The following CYFIP2 variants were observed in gnomAD, a reference collection of about 807,000 sequenced individuals.
CYFIP2 encodes cytoplasmic FMR1 interacting protein 2, also known as cytoplasmic FMR1-interacting protein 2.
CYFIP2 carries 29 observed loss-of-function variants against 158.7 expected under a neutral mutation model. The ratio of observed to expected loss-of-function variants is 0.18; its 90% confidence interval spans 0.14 to 0.25. The LOEUF is 0.25. Ranked by LOEUF, CYFIP2 falls within the 10% of genes least tolerant of loss-of-function variation. CYFIP2 has a pLI of 1.00. For synonymous variants in CYFIP2, 585 were observed against 617.6 expected (o/e 0.95, Z 0.78); for missense variants, 852 against 1,639.5 (o/e 0.52, Z 8.29).
At chr5:157,286,309 C>T (rs1757371880) in intron 2 of CYFIP2, among the ~76,000 whole-genome samples, 2 of 150,110 alleles carry the variant, frequency 1.3e-5, no homozygotes, top group Admixed American at 6.6e-5. Flanking sequence ...TATAACTATG[C>T]GGATATATAC....
chr5:157,312,621 T>C (rs1259645582), intron 11 of CYFIP2, among the ~76,000 whole-genome samples: 1 of 152,194 alleles, frequency 6.6e-6, no homozygotes, highest in Non-Finnish European at 1.5e-5. Context: ...CTAACAGCCA[T>C]GGTGACTGTA....
At position 157,309,635 on chromosome 5, in the gene CYFIP2, G is replaced by A. The variant is rs923991801; in HGVS notation, c.901-108G>A. 4.2e-5 allele frequency: 40 copies of A among 952,360 alleles called. No homozygotes were observed. The East Asian group carries it at 8.2e-4, about 19-fold the overall frequency. The allele number at this position is 952,360 out of a possible 1,614,324, so 59.0% of individuals were successfully genotyped here. On this transcript the variant is annotated intron_variant, in intron 9 of 30. Transcript: ENST00000620254. ...TCATCGGAAGCAGAAACTAGGGGTC[G>A]GCCCCCAGGCACACACAGAGGCCTG...
chr5:157,375,251 C>G (rs145124824), intron 26 of CYFIP2, among the ~76,000 whole-genome samples: 1 of 152,196 alleles, frequency 6.6e-6, no homozygotes, highest in Non-Finnish European at 1.5e-5. Flanking sequence ...GGCCATAGCT[C>G]TGGTTTATCA....
At chr5:157,384,446 G>A (rs1463673870) in intron 28 of CYFIP2, 10 of 456,820 alleles carry the variant, frequency 2.2e-5, no homozygotes, top group South Asian at 1.5e-4. Flanking sequence ...CATTCCGGCG[G>A]TCCTCTTTGG....
chr5:157,272,305 A>AG (rs1756170962), intron 1 of CYFIP2, among the ~76,000 whole-genome samples: 1 of 152,222 alleles, frequency 6.6e-6, no homozygotes, highest in African/African-American at 2.4e-5. Context: ...GGACAGGAGC[A>AG]GGGGACTGAA....
chr5:157,312,100 GGTTA>G (rs1209877799), intron 11 of CYFIP2, among the ~76,000 whole-genome samples: 7 of 152,172 alleles, frequency 4.6e-5, no homozygotes, highest in Non-Finnish European at 7.4e-5. Flanking sequence ...GCCTGGTGAT[GGTTA>G]GTTCTGCCTG....
chr5:157,383,754 A>T (rs1229539066), intron 28 of CYFIP2, among the ~76,000 whole-genome samples: 1 of 152,246 alleles, frequency 6.6e-6, no homozygotes, highest in East Asian at 1.9e-4. Flanking sequence ...ATGCTTATGT[A>T]ACATTGTTTG....
chr5:157,342,740 G>T, intron 23 of CYFIP2: 1 of 987,552 alleles, frequency 1.0e-6, no homozygotes, highest in Non-Finnish European at 1.4e-6. Context: ...CAACCCAGGT[G>T]ACCTACAATA....
intron 30 of CYFIP2, among the ~76,000 whole-genome samples, chr5:157,391,289 C>T (rs1288612786): frequency 2.6e-5 from 4 of 152,130 alleles, no homozygotes; most frequent in African/African-American, 9.7e-5. Flanking sequence ...TCACAAAGGG[C>T]TTTTTTAAAA....
chr5:157,358,940 G>T, intron 23 of CYFIP2, 65 bp from the exon 24 acceptor site: 2 of 1,599,808 alleles, frequency 1.3e-6, no homozygotes, highest in Non-Finnish European at 1.7e-6. Context: ...CAGAACATCT[G>T]CCAGGACTCC....
chr5:157,300,926 C>T (rs1758692480), intron 6 of CYFIP2, 30 bp downstream of exon 6: 1 of 1,501,448 alleles, frequency 6.7e-7, no homozygotes. Context: ...CTCCCCTTTC[C>T]CCATCCAGGC....
rs115545978 is a variant in CYFIP2, at chr5:157,299,366, C to T, written c.388-1349C>T. Among the ~76,000 whole-genome samples, 656 of 152,262 alleles carry T rather than the reference C, an allele frequency of 4.3e-3. 2 individuals are homozygous for T. Among genetic ancestry groups the T allele is most frequent in the African/African-American group, 0.015 (617 of 41,548 alleles). On this transcript the variant is annotated intron_variant, in intron 5 of 30. Coordinates refer to ENST00000620254, the MANE Select transcript of CYFIP2 (RefSeq NM_001037333.3). ...CAGCCACCCTGGCTTCCTTCTCATC[C>T]CTGGAACACACCTCAGGGCCTTCAC...
intron 4 of CYFIP2, chr5:157,296,443 A>G (rs1460416133): frequency 3.9e-6 from 2 of 507,316 alleles, no homozygotes; most frequent in Non-Finnish European, 7.6e-6. Flanking sequence ...CAACTACAAA[A>G]ATTAGCTGGA....
At chr5:157,296,873 T>A in intron 5 of CYFIP2, 99 bp downstream of exon 5, 1 of 933,512 alleles carries the variant, frequency 1.1e-6, no homozygotes, top group Non-Finnish European at 1.6e-6. Flanking sequence ...ATTTATTCAC[T>A]AAGCAAATAT....
rs1765642732 is a variant in CYFIP2 at position 157,377,875 on chromosome 5, TGTGGG to T, written c.3040-4714_3040-4710del. On this transcript the variant is annotated intron_variant, in intron 26 of 30. Coordinates refer to ENST00000620254, the MANE Select transcript of CYFIP2 (RefSeq NM_001037333.3). ...ATTCTCAATCAATGTTTACATGAGA[TGTGGG>T]TCACTGCCCTGGTCCTCCATCAGCA... 7.2e-5 allele frequency among the ~76,000 whole-genome samples: 11 copies of T among 152,364 alleles called. 1 individual carries two copies. Among genetic ancestry groups the T allele is most frequent in the Admixed American group, 6.5e-4 (10 of 15,308 alleles).
Position 157,376,705 on chromosome 5 carries a change from G to A in CYFIP2, c.3040-5885G>A, listed in dbSNP as rs538804909. On this transcript the variant is annotated intron_variant, in intron 26 of 30. Transcript: ENST00000620254. ...TGGGTCTCATATAGTCAGAGGAACT[G>A]AAGTCTCCGGAAGGGTCTTGGTCAC... 344 of 256,138 alleles carry A rather than the reference G, an allele frequency of 1.3e-3. 5 individuals carry two copies. The highest frequency in any genetic ancestry group is 8.4e-3 in the South Asian group (228 of 27,110). The allele number at this position is 256,138 out of a possible 1,614,324, so 15.9% of individuals were successfully genotyped here.
intron 3 of CYFIP2, among the ~76,000 whole-genome samples, chr5:157,291,979 A>T (rs994341742): frequency 6.6e-6 from 1 of 152,098 alleles, no homozygotes; most frequent in Non-Finnish European, 1.5e-5. Context: ...TCACAATGTT[A>T]TACAGCCATG....
chr5:157,308,364 A>G (rs928745609), intron 9 of CYFIP2, among the ~76,000 whole-genome samples: 2 of 152,138 alleles, frequency 1.3e-5, no homozygotes, highest in African/African-American at 4.8e-5. Context: ...TTACCTCTGG[A>G]TAGAATGCCT....
chr5:157,334,783 C>A (rs572733054), intron 21 of CYFIP2, among the ~76,000 whole-genome samples: 1 of 151,920 alleles, frequency 6.6e-6, no homozygotes, highest in African/African-American at 2.4e-5. Context: ...AATAAGGGAA[C>A]CTGACAACTA....
Sources: gnomAD v4.1 joint callset for allele counts (sites outside exome capture counted in the v4.1 genomes callset) on GRCh38, gnomAD v4.1.1 for gene constraint, MANE v1.5 for transcripts, NCBI Gene and HGNC (gene_info 2026-07-23, HGNC 2026-07-21) for gene names.